Variants in COL23A1 observed in about 807,000 individuals in gnomAD.
The protein encoded by COL23A1 is collagen type XXIII alpha 1 chain, also known as collagen alpha-1(XXIII) chain.
A neutral mutation model predicts 99.3 loss-of-function variants in COL23A1; 97 were observed. The observed-to-expected ratio is 0.98, with a 90% CI of 0.83 to 1.16. COL23A1 has a LOEUF of 1.16. Ranked by LOEUF, COL23A1 falls within the 50% of genes most tolerant of loss-of-function variation. The pLI, the probability that COL23A1 is intolerant of heterozygous loss-of-function variation, is 0.00. For missense variants in COL23A1, 762 were observed against 757.4 expected (o/e 1.01, Z -0.07); for synonymous variants, 320 against 308.2 (o/e 1.04, Z -0.40).
intron 2 of COL23A1, among the ~76,000 whole-genome samples, chr5:178,388,693 G>A (rs540138988): frequency 9.9e-5 from 15 of 152,272 alleles, no homozygotes; most frequent in South Asian, 8.3e-4. Context: ...CCAGGCCACC[G>A]AGTGGCCTCC....
At chr5:178,431,093 T>G (rs530217304) in intron 2 of COL23A1, among the ~76,000 whole-genome samples, 3 of 151,678 alleles carry the variant, frequency 2.0e-5, no homozygotes, top group East Asian at 1.9e-4. Flanking sequence ...AGCAAAGACA[T>G]AGAGGGAGCA....
Position 178,553,169 on chromosome 5 carries a change from T to TAA in COL23A1, c.361+7511_361+7512dup, listed in dbSNP as rs55857926. The stretch of plus-strand genomic sequence containing the variant: ...TGGCCGACAGAGTGAGATCCTATCT[T>TAA]AAAAAAAAAAAAAAAAAAAGTCCCA... On this transcript the variant is annotated intron_variant, in intron 2 of 28. Coordinates refer to ENST00000390654, the MANE Select transcript of COL23A1 (RefSeq NM_173465.4). Among the ~76,000 whole-genome samples the TAA allele has an allele frequency of 4.0e-3, 542 of 135,056 alleles. 1 individual carries two copies. Among genetic ancestry groups the TAA allele is most frequent in the South Asian group, 8.4e-3 (34 of 4,068 alleles). The allele number at this position is 135,056 out of a possible 152,430, so 88.6% of individuals were successfully genotyped here.
intron 25 of COL23A1, among the ~76,000 whole-genome samples, 188 bp downstream of exon 25, chr5:178,245,754 A>C (rs977601895): frequency 9.8e-5 from 15 of 152,310 alleles, no homozygotes; most frequent in African/African-American, 3.6e-4. Flanking sequence ...CCATTCATCT[A>C]TCCACAAAGG....
At chr5:178,576,020 A>C (rs1395105453) in intron 1 of COL23A1, among the ~76,000 whole-genome samples, 2 of 152,224 alleles carry the variant, frequency 1.3e-5, no homozygotes, top group Non-Finnish European at 2.9e-5. Context: ...TGATGTCGAG[A>C]GGGGCTCGGT....
intron 2 of COL23A1, among the ~76,000 whole-genome samples, chr5:178,529,402 G>A (rs1562058153): frequency 6.6e-6 from 1 of 152,178 alleles, no homozygotes; most frequent in South Asian, 2.1e-4. Context: ...CACGTGGCGT[G>A]ACCATCAGAC....
chr5:178,507,651 C>T (rs983569139), intron 2 of COL23A1, among the ~76,000 whole-genome samples: 1 of 152,176 alleles, frequency 6.6e-6, no homozygotes, highest in African/African-American at 2.4e-5. Flanking sequence ...CTTCTTATGC[C>T]ACTTCCTCTG....
intron 6 of COL23A1, among the ~76,000 whole-genome samples, chr5:178,269,769 A>C (rs1252812898): frequency 6.9e-6 from 1 of 144,398 alleles, no homozygotes. Flanking sequence ...ACCACCCACC[A>C]ATCCATCCAT....
At chr5:178,297,252 G>A (rs1757795067) in intron 3 of COL23A1, among the ~76,000 whole-genome samples, 1 of 152,282 alleles carries the variant, frequency 6.6e-6, no homozygotes, top group African/African-American at 2.4e-5. Flanking sequence ...TGGGCATGGT[G>A]GCTCAGGCCT....
chr5:178,485,521 C>T (rs1293124391), intron 2 of COL23A1, among the ~76,000 whole-genome samples: 1 of 151,032 alleles, frequency 6.6e-6, no homozygotes, highest in African/African-American at 2.4e-5. Flanking sequence ...GCCTGTAATC[C>T]CAGCACTTTG....
rs1764430524 is a variant in COL23A1 at position 178,242,057 on chromosome 5, G to A, written c.1566C>T (p.Asp522=). 1.9e-6 allele frequency: 3 copies of A among 1,554,694 alleles called. No homozygotes were observed. The highest frequency in any genetic ancestry group is 1.7e-6 in the Non-Finnish European group (2 of 1,148,532). ...CGACACCTACCACGGGACACGGCTG[G>A]TCCAGGCCTGGTGGTCCCGGCTCGC... is the stretch of plus-strand genomic sequence containing the variant. The part of the protein sequence containing the change: ...QKGEPGPPGL[D]QPCPVGPDGL... Residue 522 remains aspartate, a synonymous_variant, in exon 27 of 29, where the codon GAC becomes GAT. Coordinates refer to ENST00000390654, the MANE Select transcript of COL23A1 (RefSeq NM_173465.4).
chr5:178,312,824 C>CA (rs1758775876), intron 2 of COL23A1, among the ~76,000 whole-genome samples: 1 of 152,176 alleles, frequency 6.6e-6, no homozygotes, highest in Admixed American at 6.5e-5. Context: ...GGAATCCACA[C>CA]AACAGTCTGT....
At chr5:178,267,244 A>G in intron 8 of COL23A1, 63 bp downstream of exon 8, 1 of 1,563,446 alleles carries the variant, frequency 6.4e-7, no homozygotes, top group Non-Finnish European at 8.8e-7. Flanking sequence ...AGCGCCAGTT[A>G]TGCCTCATTA....
chr5:178,398,364 C>T (rs112230974), intron 2 of COL23A1, among the ~76,000 whole-genome samples: 7,166 of 152,218 alleles, frequency 0.047, 522 homozygotes, highest in African/African-American at 0.16. Flanking sequence ...TGGTGGCTCA[C>T]GCCTGTAATC....
intron 2 of COL23A1, among the ~76,000 whole-genome samples, chr5:178,433,362 G>A (rs1323826171): frequency 1.3e-5 from 2 of 152,178 alleles, no homozygotes; most frequent in African/African-American, 2.4e-5. Flanking sequence ...GGTCCACAGG[G>A]CAGTGTCTAG....
intron 5 of COL23A1, among the ~76,000 whole-genome samples, chr5:178,279,262 C>T (rs1466865204): frequency 6.6e-6 from 1 of 152,204 alleles, no homozygotes; most frequent in Non-Finnish European, 1.5e-5. Flanking sequence ...GAGCCTTCTT[C>T]AGCTCCCGCC....
intron 2 of COL23A1, among the ~76,000 whole-genome samples, chr5:178,521,269 G>A (rs1417602276): frequency 6.6e-6 from 1 of 152,162 alleles, no homozygotes; most frequent in Non-Finnish European, 1.5e-5. Context: ...ACTATTTAAA[G>A]CTGGCCGGGC....
intron 2 of COL23A1, among the ~76,000 whole-genome samples, chr5:178,347,976 C>T (rs985997664): frequency 1.3e-5 from 2 of 151,872 alleles, no homozygotes; most frequent in Non-Finnish European, 2.9e-5. Flanking sequence ...TATAGGCTAG[C>T]ACAGTTCTAG....
At chr5:178,503,474 G>A (rs760559945) in intron 2 of COL23A1, among the ~76,000 whole-genome samples, 2 of 152,196 alleles carry the variant, frequency 1.3e-5, no homozygotes, top group Non-Finnish European at 2.9e-5. Flanking sequence ...CTACAAAACG[G>A]CATAATTAGG....
intron 1 of COL23A1, among the ~76,000 whole-genome samples, chr5:178,575,350 A>G (rs1485058460): frequency 1.3e-5 from 2 of 152,086 alleles, no homozygotes; most frequent in Non-Finnish European, 2.9e-5. Context: ...GTAGGGAATG[A>G]AGGAGTGGCC....
Sources: gnomAD v4.1 joint callset for allele counts (sites outside exome capture counted in the v4.1 genomes callset) on GRCh38, gnomAD v4.1.1 for gene constraint, MANE v1.5 for transcripts, NCBI Gene and HGNC (gene_info 2026-07-23, HGNC 2026-07-21) for gene names.